Variants in JAK3 observed in about 807,000 individuals in gnomAD.
JAK3 encodes tyrosine-protein kinase JAK3.
Under a neutral mutation model 120.8 loss-of-function variants are expected in JAK3, and 88 were observed. That is an observed-to-expected ratio of 0.73 (90% CI 0.61 to 0.87). The LOEUF is 0.87. JAK3 is among the 40% of genes least tolerant of loss of function. JAK3 has a pLI of 0.00. For missense variants in JAK3, 1,254 were observed against 1,501.4 expected, an observed-to-expected ratio of 0.84 and a Z score of 2.72; for synonymous variants, 592 against 628.6, an observed-to-expected ratio of 0.94 and a Z score of 0.87.
At position 17,831,106 on chromosome 19, in the gene JAK3, G is replaced by T; in HGVS notation, c.2978+122C>A. 1.9e-6 allele frequency: 2 copies of T among 1,032,378 alleles called. No homozygotes were observed. The highest frequency in any genetic ancestry group is 3.1e-4 in the Middle Eastern group (1 of 3,196). The allele number at this position is 1,032,378 out of a possible 1,614,324, so 64.0% of individuals were successfully genotyped here. On this transcript the variant is annotated intron_variant, in intron 21 of 23. Transcript: ENST00000458235. The surrounding 1 kb of genome is among the most constrained non-coding windows in gnomAD (Gnocchi z 5.1). ...CTGGGGAGTGGGAGGGGCCAAAGCT[G>T]CAGCGGAGGAAGGGCGGGGCTAAGG...
chr19:17,832,937 G>T lies in JAK3; in HGVS notation c.2351-8C>A. ...CTGAGAGGAGCTCATAGTCTGGGGT[G>T]GGGGCATGGGCAGTGGTAAGCAGCG... On this transcript the variant is annotated splice_polypyrimidine_tract_variant and splice_region_variant and intron_variant, in intron 17 of 23. Coordinates refer to ENST00000458235, the MANE Select transcript of JAK3 (RefSeq NM_000215.4). This position sits in a 1 kb window ranked among gnomAD's most constrained non-coding sequence, Gnocchi z 4.7. 2 of 1,611,594 alleles carry T rather than the reference G, an allele frequency of 1.2e-6. No homozygotes were observed. The highest frequency in any genetic ancestry group is 1.7e-6 in the Non-Finnish European group (2 of 1,179,078).
In JAK3 at chr19:17,838,080, C is replaced by T; in HGVS notation, c.1570-17G>A. On this transcript the variant is annotated splice_polypyrimidine_tract_variant and intron_variant, in intron 11 of 23. Transcript: ENST00000458235. Reference sequence around the variant, plus strand: ...GTTCTCATGCTGAATGGTGAGGGGACAGCAGAAGAGGCCAGTGAGGGGGTT... The same window carrying T: ...GTTCTCATGCTGAATGGTGAGGGGATAGCAGAAGAGGCCAGTGAGGGGGTT... 1.2e-6 allele frequency: 2 copies of T among 1,614,094 alleles called. No homozygotes were observed. The highest frequency in any genetic ancestry group is 1.7e-6 in the Non-Finnish European group (2 of 1,179,986).
intron 2 of JAK3, 35 bp downstream of exon 2, chr19:17,844,199 T>G: frequency 6.5e-7 from 1 of 1,550,278 alleles, no homozygotes; most frequent in Non-Finnish European, 8.7e-7. Context: ...AGCCCCATCC[T>G]TCCCTCTGGC....
Position 17,831,757 on chromosome 19 carries a change from C to G in JAK3, c.2722G>C (p.Gly908Arg), listed in dbSNP as rs2147676991. The G allele has an allele frequency of 6.2e-7, 1 of 1,612,702 alleles. No individual in the cohort carries two copies. The highest frequency in any genetic ancestry group is 8.5e-7 in the Non-Finnish European group (1 of 1,179,852). The change falls in exon 20 of 24, where the codon GGC (glycine) becomes CGC (arginine). Residue 908 changes from glycine (G) to arginine (R), a missense_variant. Physicochemically the swap from Gly to Arg is moderately radical, Grantham distance 125. This residue lies in a region of JAK3 where 630 missense variants were observed against 819.8 expected (regional missense o/e 0.77). Coordinates refer to ENST00000458235, the MANE Select transcript of JAK3 (RefSeq NM_000215.4). The surrounding 1 kb of genome is among the most constrained non-coding windows in gnomAD (Gnocchi z 5.1). Reference sequence around the variant, plus strand: ...CGCTGCAGGAAGTCGCGCAAGCAGCCGCTGGGCAGGTACTCCATGACCAGC... The same window carrying G: ...CGCTGCAGGAAGTCGCGCAAGCAGCGGCTGGGCAGGTACTCCATGACCAGC... ...LRLVMEYLPS[G>R]CLRDFLQRHR...
intron 23 of JAK3, among the ~76,000 whole-genome samples, chr19:17,829,465 AT>A (rs2094209787): frequency 6.6e-6 from 1 of 151,430 alleles, no homozygotes; most frequent in African/African-American, 2.4e-5. Context: ...GGCCAAAATT[AT>A]TTTTAAATTA....
Position 17,834,945 on chromosome 19 carries a change from A to G in JAK3, c.2106T>C (p.Leu702=), listed in dbSNP as rs1030213417. Residue 702 remains leucine (L), a synonymous_variant, in exon 16 of 24, where the codon CTT becomes CTC. Transcript: ENST00000458235. Reference sequence around the variant, plus strand: ...AGCCCCACTTGTCAGCTTCCAAGCTAAGTGTCTGCGCCTCCCGGAGACACT... The same window carrying G: ...AGCCCCACTTGTCAGCTTCCAAGCTGAGTGTCTGCGCCTCCCGGAGACACT... The part of the protein sequence containing the change: ...APECLREAQT[L]SLEADKWGFG... The G allele has an allele frequency of 6.2e-7, 1 of 1,614,040 alleles. No individual in the cohort carries two copies. The highest frequency in any genetic ancestry group is 1.3e-5 in the African/African-American group (1 of 74,932).
Position 17,840,244 on chromosome 19 carries a change from T to G in JAK3, c.1240A>C (p.Thr414Pro). 1 of 1,612,236 alleles carries G rather than the reference T, an allele frequency of 6.2e-7. No homozygotes were observed. Among genetic ancestry groups the G allele is most frequent in the Non-Finnish European group, 8.5e-7 (1 of 1,178,724 alleles). Residue 414 changes from threonine to proline, a missense_variant, in exon 9 of 24, where the codon ACT becomes CCT. Transcript: ENST00000458235. ...SPQDFDSFLL[T>P]VCVQNPLGPD... ...AGTAGACCGACCTGGACACAGACAG[T>G]GAGGAGGAAGCTGTCAAAGTCCTGG...
At chr19:17,833,447 C>T (rs1369911310) in intron 17 of JAK3, among the ~76,000 whole-genome samples, 1 of 151,420 alleles carries the variant, frequency 6.6e-6, no homozygotes, top group African/African-American at 2.4e-5. Flanking sequence ...GTTGTGTGTG[C>T]CTGTAATCCC....
At chr19:17,837,090 G>T in intron 13 of JAK3, 39 bp downstream of exon 13, 1 of 1,413,884 alleles carries the variant, frequency 7.1e-7, no homozygotes, top group East Asian at 2.5e-5. Context: ...CTAGACTTGG[G>T]TGAGGCAGGG....
In JAK3 at chr19:17,841,892, C is replaced by T. The variant is rs1599878241; in HGVS notation, c.862-130G>A. 1 of 1,301,896 alleles carries T rather than the reference C, an allele frequency of 7.7e-7. No homozygotes were observed. The highest frequency in any genetic ancestry group is 1.1e-6 in the Non-Finnish European group (1 of 941,670). The allele number at this position is 1,301,896 out of a possible 1,614,324, so 80.6% of individuals were successfully genotyped here. On this transcript the variant is annotated intron_variant, in intron 6 of 23. Transcript: ENST00000458235. This position sits in a 1 kb window ranked among gnomAD's most constrained non-coding sequence, Gnocchi z 4.1. ...CATTCAACCCTTCCAAGCCGCGCCC[C>T]CTCCTATCAACTCCAACCTCTCAAC...
At position 17,825,379 on chromosome 19, in the gene JAK3, G is replaced by A; in HGVS notation, c.*1364C>T. On this transcript the variant is annotated 3_prime_UTR_variant, in exon 24 of 24. Coordinates refer to ENST00000458235, the MANE Select transcript of JAK3 (RefSeq NM_000215.4). ...TGTCATCCCTTTGTGCCCCTTGTAG[G>A]GTGAGGACAGAAAGGGTCCCATTGG... 4.5e-6 allele frequency: 1 copy of A among 223,842 alleles called. No homozygotes were observed. Among genetic ancestry groups the A allele is most frequent in the Non-Finnish European group, 8.9e-6 (1 of 112,234 alleles). The allele number at this position is 223,842 out of a possible 1,614,324, so 13.9% of individuals were successfully genotyped here. A position where few individuals can be genotyped will look rare whatever the true frequency, so the allele number is the denominator to read the frequency against.
In JAK3 at chr19:17,831,406, G is replaced by C; in HGVS notation, c.2806-6C>G. ...GAGCCCAGGTACTCCATGCCCTGCG[G>C]GCGGGCGGTGTGAGCGTGCAGAGAG... On this transcript the variant is annotated splice_polypyrimidine_tract_variant and splice_region_variant and intron_variant, in intron 20 of 23. Coordinates refer to ENST00000458235, the MANE Select transcript of JAK3 (RefSeq NM_000215.4). The surrounding 1 kb of genome is among the most constrained non-coding windows in gnomAD (Gnocchi z 5.1). 6.2e-7 allele frequency: 1 copy of C among 1,602,172 alleles called. No homozygotes were observed. Among genetic ancestry groups the C allele is most frequent in the Non-Finnish European group, 8.5e-7 (1 of 1,179,666 alleles).
At position 17,830,473 on chromosome 19, in the gene JAK3, A is replaced by G. The variant is rs377605740; in HGVS notation, c.3096+30T>C. 48 of 1,566,088 alleles carry G rather than the reference A, an allele frequency of 3.1e-5. No homozygotes were observed. The African/African-American group carries it at 5.5e-4, about 18-fold the overall frequency. On this transcript the variant is annotated intron_variant, in intron 22 of 23. Coordinates refer to ENST00000458235, the MANE Select transcript of JAK3 (RefSeq NM_000215.4). ...GCCACGAGGGGCGTGGAGGGAGAAG[A>G]AGGCTGGGGGCTCTGGGAAGCCGAC...
Position 17,844,426 on chromosome 19 carries a change from C to T in JAK3, c.-9G>A, listed in dbSNP as rs1197029653. On this transcript the variant is annotated 5_prime_UTR_variant, in exon 2 of 24. Transcript: ENST00000458235. ...TCACTTGGAGGTGCCATGAGTGCAACTTGCCTGGGGCACAGAGAGAAAAAG... is the reference window on the plus strand; with the variant it reads ...TCACTTGGAGGTGCCATGAGTGCAATTTGCCTGGGGCACAGAGAGAAAAAG... 1.2e-6 allele frequency: 2 copies of T among 1,606,790 alleles called. No individual in the cohort carries two copies. Among genetic ancestry groups the T allele is most frequent in the South Asian group, 2.2e-5 (2 of 89,892 alleles).
intron 23 of JAK3, among the ~76,000 whole-genome samples, chr19:17,828,396 C>T (rs967950077): frequency 6.6e-6 from 1 of 152,032 alleles, no homozygotes; most frequent in African/African-American, 2.4e-5. Flanking sequence ...GCTGAAACCA[C>T]AGGTGCATGT....
In JAK3 at chr19:17,842,932, G is replaced by T; in HGVS notation, c.566+95C>A. Reference sequence around the variant, plus strand: ...CATAGGAACACCCTGAAAGCTTGCAGGAGAACTCCATGGTGGGAGCCCGGC... The same window carrying T: ...CATAGGAACACCCTGAAAGCTTGCATGAGAACTCCATGGTGGGAGCCCGGC... On this transcript the variant is annotated intron_variant, in intron 5 of 23. Transcript: ENST00000458235. The surrounding 1 kb of genome is among the most constrained non-coding windows in gnomAD (Gnocchi z 6.4). 1 of 1,539,746 alleles carries T rather than the reference G, an allele frequency of 6.5e-7. No homozygotes were observed. The highest frequency in any genetic ancestry group is 2.3e-5 in the East Asian group (1 of 44,382).
At chr19:17,839,048 AG>A in intron 10 of JAK3, 2 of 335,982 alleles carry the variant, frequency 6.0e-6, no homozygotes, top group South Asian at 4.6e-5. Context: ...AGATCCAGAA[AG>A]CCCCCATAGG....
chr19:17,840,718 G>A (rs764912445), intron 8 of JAK3, among the ~76,000 whole-genome samples: 11 of 151,720 alleles, frequency 7.3e-5, no homozygotes, highest in Admixed American at 1.3e-4. Context: ...AGCCGAGATC[G>A]TGCCACTGCA....
At chr19:17,827,348 T>C (rs575835901) in intron 23 of JAK3, among the ~76,000 whole-genome samples, 1 of 151,566 alleles carries the variant, frequency 6.6e-6, no homozygotes, top group South Asian at 2.1e-4. Context: ...CTATGGATCT[T>C]ACTTATTTAT....
Sources: gnomAD v4.1 joint callset for allele counts (sites outside exome capture counted in the v4.1 genomes callset) on GRCh38, gnomAD v4.1.1 for gene constraint, gnomAD v4.1.1 regional missense constraint, Gnocchi (gnomAD v3.1) non-coding constraint, MANE v1.5 for transcripts, NCBI Gene and HGNC (gene_info 2026-07-23, HGNC 2026-07-21) for gene names.